Variants in EPHA5 observed in about 807,000 individuals in gnomAD.
EPHA5 encodes the protein ephrin type-A receptor 5.
In EPHA5, 60 loss-of-function variants were observed where a neutral mutation model predicts 105.0. That is an observed-to-expected ratio of 0.57 (90% CI 0.46 to 0.71). The LOEUF (loss-of-function observed/expected upper bound fraction) is 0.71. EPHA5 is among the 30% of genes least tolerant of loss of function. The probability of loss-of-function intolerance (pLI) is 0.00; values close to 1 mark genes in which losing one functional copy is unlikely to be tolerated. For missense variants in EPHA5, 1,218 were observed against 1,274.7 expected, an observed-to-expected ratio of 0.96 and a Z score of 0.68; for synonymous variants, 513 against 449.1, an observed-to-expected ratio of 1.14 and a Z score of -1.80.
intron 3 of EPHA5, among the ~76,000 whole-genome samples, chr4:65,599,178 C>T (rs1743467993): frequency 6.6e-6 from 1 of 151,976 alleles, no homozygotes; most frequent in African/African-American, 2.4e-5. Flanking sequence ...TTTCTATAAA[C>T]ACTGTGATGG....
intron 3 of EPHA5, among the ~76,000 whole-genome samples, chr4:65,526,629 A>G (rs1735257729): frequency 6.6e-6 from 1 of 151,986 alleles, no homozygotes; most frequent in Non-Finnish European, 1.5e-5. Flanking sequence ...TTGTTATAGT[A>G]AGTATCTACA....
intron 5 of EPHA5, among the ~76,000 whole-genome samples, chr4:65,429,585 T>C (rs1218690955): frequency 6.6e-6 from 1 of 152,048 alleles, no homozygotes; most frequent in East Asian, 1.9e-4. Context: ...ATCATAAATA[T>C]AGAGAACCTA....
chr4:65,358,190 G>T (rs1036846012), intron 11 of EPHA5, among the ~76,000 whole-genome samples: 7 of 151,460 alleles, frequency 4.6e-5, no homozygotes, highest in Non-Finnish European at 7.4e-5. Flanking sequence ...AAGAGTTGCT[G>T]CTAAATATAG....
chr4:65,356,347 C>T (rs978809211), intron 11 of EPHA5, among the ~76,000 whole-genome samples: 1 of 151,432 alleles, frequency 6.6e-6, no homozygotes, highest in Non-Finnish European at 1.5e-5. Context: ...ATGGAATTCT[C>T]ATATAAAATT....
chr4:65,352,215 T>C (rs1208062610), intron 12 of EPHA5, among the ~76,000 whole-genome samples: 2 of 152,106 alleles, frequency 1.3e-5, no homozygotes, highest in Non-Finnish European at 2.9e-5. Flanking sequence ...GTTAGAAAAT[T>C]TGATAAAATA....
chr4:65,641,454 A>G (rs945280484), intron 2 of EPHA5, among the ~76,000 whole-genome samples: 8 of 152,164 alleles, frequency 5.3e-5, no homozygotes, highest in Non-Finnish European at 1.2e-4. Context: ...TTTTATGTAC[A>G]TCATTCTGAT....
At chr4:65,629,012 A>C (rs1259801015) in intron 2 of EPHA5, among the ~76,000 whole-genome samples, 2 of 152,216 alleles carry the variant, frequency 1.3e-5, no homozygotes, top group East Asian at 3.8e-4. Flanking sequence ...GTTCTAGATA[A>C]AATGCTAAGA....
At chr4:65,431,030 A>G (rs986965459) in intron 5 of EPHA5, among the ~76,000 whole-genome samples, 4 of 152,122 alleles carry the variant, frequency 2.6e-5, no homozygotes, top group South Asian at 4.1e-4. Flanking sequence ...ATCTACCATG[A>G]TGCATTTATG....
rs554877474 is a variant in EPHA5, at chr4:65,532,916, A to G, written c.911-37373T>C. Among the ~76,000 whole-genome samples, 36 of 152,056 alleles carry G rather than the reference A, an allele frequency of 2.4e-4. No individual in the cohort carries two copies. In the South Asian group the frequency reaches 6.0e-3, roughly 25 times the overall value. On this transcript the variant is annotated intron_variant, in intron 3 of 16. Coordinates refer to ENST00000613740, the MANE Select transcript of EPHA5 (RefSeq NM_001281766.3). ...TGTCATACACAGTTCATTCGCTCCA[A>G]TTTTCAATTGTCTTTTCTTTCTGTC...
At chr4:65,568,534 A>G (rs958775984) in intron 3 of EPHA5, among the ~76,000 whole-genome samples, 3 of 151,142 alleles carry the variant, frequency 2.0e-5, no homozygotes, top group African/African-American at 7.2e-5. Flanking sequence ...AATTAACAAC[A>G]ACGCATCCCT....
chr4:65,425,186 G>C (rs1724310039), intron 5 of EPHA5, among the ~76,000 whole-genome samples: 1 of 152,052 alleles, frequency 6.6e-6, no homozygotes. Context: ...TTCATCAGAT[G>C]ACACTTTTTA....
chr4:65,415,553 G>T (rs1265461727), intron 6 of EPHA5, among the ~76,000 whole-genome samples: 1 of 151,806 alleles, frequency 6.6e-6, no homozygotes, highest in African/African-American at 2.4e-5. Flanking sequence ...GAGTTAAGTA[G>T]GTCCAAAATT....
In EPHA5 at chr4:65,640,772, A is replaced by G. The variant is rs1408551319; in HGVS notation, c.246+2591T>C. ...TCACTTCCTGCTTGTGCACAAGTAAAACCTTAGGTCTTTCTCAGGTCTTTC... is the reference window on the plus strand; with the variant it reads ...TCACTTCCTGCTTGTGCACAAGTAAGACCTTAGGTCTTTCTCAGGTCTTTC... On this transcript the variant is annotated intron_variant, in intron 2 of 16. Coordinates refer to ENST00000613740, the MANE Select transcript of EPHA5 (RefSeq NM_001281766.3). 2.6e-5 allele frequency among the ~76,000 whole-genome samples: 4 copies of G among 152,252 alleles called. No homozygotes were observed. The South Asian group carries it at 6.2e-4, about 24-fold the overall frequency.
intron 11 of EPHA5, among the ~76,000 whole-genome samples, chr4:65,355,579 G>C (rs1400035146): frequency 6.6e-6 from 1 of 151,392 alleles, no homozygotes; most frequent in Non-Finnish European, 1.5e-5. Flanking sequence ...GTTCTTTCAA[G>C]AATACAAAAC....
intron 7 of EPHA5, among the ~76,000 whole-genome samples, chr4:65,412,342 G>A (rs960491506): frequency 6.6e-6 from 1 of 152,064 alleles, no homozygotes; most frequent in Non-Finnish European, 1.5e-5. Context: ...GTTTCCATGT[G>A]TTGTTACTCA....
chr4:65,358,877 T>G (rs1268726880), intron 11 of EPHA5, among the ~76,000 whole-genome samples: 1 of 151,572 alleles, frequency 6.6e-6, no homozygotes, highest in African/African-American at 2.4e-5. Context: ...TTTCGGAATG[T>G]TTACCTTGAT....
At position 65,640,286 on chromosome 4, in the gene EPHA5, T is replaced by C. The variant is rs1002793617; in HGVS notation, c.246+3077A>G. On this transcript the variant is annotated intron_variant, in intron 2 of 16. Coordinates refer to ENST00000613740, the MANE Select transcript of EPHA5 (RefSeq NM_001281766.3). ...GAAGTCATTGCTCAGTTTTTTCTTT[T>C]TTTTTTTTTTTTTTTTTGAGACGGA... is the stretch of plus-strand genomic sequence containing the variant. Among the ~76,000 whole-genome samples the C allele has an allele frequency of 3.6e-4, 50 of 137,118 alleles. 1 individual carries two copies. Among genetic ancestry groups the C allele is most frequent in the African/African-American group, 1.3e-3 (48 of 37,220 alleles). 90.0% of individuals were successfully genotyped at this position (137,118 alleles called of 152,430 possible).
chr4:65,428,193 C>T (rs867434527), intron 5 of EPHA5, among the ~76,000 whole-genome samples: 10 of 151,968 alleles, frequency 6.6e-5, no homozygotes, highest in Admixed American at 1.3e-4. Flanking sequence ...ATGAGAATTG[C>T]AGTTATTGAA....
intron 3 of EPHA5, among the ~76,000 whole-genome samples, chr4:65,557,252 A>ATATATATATATATATATATATG: frequency 6.9e-6 from 1 of 145,148 alleles, no homozygotes; most frequent in Non-Finnish European, 1.5e-5. Flanking sequence ...ATATATATAT[A>ATATATATATATATATATATATG]TATATATTCT....
Sources: gnomAD v4.1 joint callset for allele counts (sites outside exome capture counted in the v4.1 genomes callset) on GRCh38, gnomAD v4.1.1 for gene constraint, MANE v1.5 for transcripts, NCBI Gene and HGNC (gene_info 2026-07-23, HGNC 2026-07-21) for gene names.